The following FBN2 variants were observed in gnomAD, a reference collection of about 807,000 sequenced individuals.
The protein encoded by FBN2 is fibrillin 2.
FBN2 carries 105 observed loss-of-function variants against 355.6 expected under a neutral mutation model. The ratio of observed to expected loss-of-function variants is 0.30; its 90% confidence interval spans 0.25 to 0.35. The LOEUF (loss-of-function observed/expected upper bound fraction) is 0.35. FBN2 is among the 10% of genes least tolerant of loss of function. The pLI is 1.00. For synonymous variants in FBN2, 1,350 were observed against 1,301.2 expected (o/e 1.04, Z -0.81); for missense variants, 3,280 against 3,758.7 (o/e 0.87, Z 3.33).
intron 34 of FBN2, among the ~76,000 whole-genome samples, chr5:128,325,959 C>T (rs1013542285): frequency 2.6e-5 from 4 of 152,168 alleles, no homozygotes; most frequent in Non-Finnish European, 4.4e-5. Flanking sequence ...TCTTCAACTA[C>T]ATTTATGATT....
chr5:128,516,722 T>C (rs937794633), intron 5 of FBN2, among the ~76,000 whole-genome samples: 3 of 152,178 alleles, frequency 2.0e-5, no homozygotes, highest in African/African-American at 7.2e-5. Context: ...TTTAAAAATA[T>C]ATATATAAAC....
chr5:128,507,526 A>G (rs1192309562), intron 5 of FBN2, among the ~76,000 whole-genome samples: 1 of 151,944 alleles, frequency 6.6e-6, no homozygotes, highest in African/African-American at 2.4e-5. Context: ...TGTTATTTTT[A>G]TTGTTATTTT....
chr5:128,275,970 A>G, intron 59 of FBN2, 68 bp downstream of exon 59: 1 of 1,552,292 alleles, frequency 6.4e-7, no homozygotes, highest in East Asian at 2.3e-5. Context: ...ATTCCTGATA[A>G]TCTAATATTT....
At chr5:128,287,231 G>T in intron 54 of FBN2, 77 bp downstream of exon 54, 1 of 1,522,530 alleles carries the variant, frequency 6.6e-7, no homozygotes, top group Non-Finnish European at 9.1e-7. Context: ...GAAATTAGTT[G>T]AGAACTATAA....
At chr5:128,523,797 C>T (rs903279660) in intron 4 of FBN2, among the ~76,000 whole-genome samples, 6 of 151,952 alleles carry the variant, frequency 3.9e-5, no homozygotes, top group South Asian at 2.1e-4. Flanking sequence ...TTATCCACCA[C>T]GCCTGGTCCA....
chr5:128,304,484 C>A (rs1472440636), intron 45 of FBN2, among the ~76,000 whole-genome samples: 1 of 152,188 alleles, frequency 6.6e-6, no homozygotes, highest in Non-Finnish European at 1.5e-5. Context: ...AAAATATGTA[C>A]ATAAATCCCA....
intron 7 of FBN2, among the ~76,000 whole-genome samples, chr5:128,422,736 C>T (rs994895236): frequency 2.6e-5 from 4 of 152,138 alleles, no homozygotes; most frequent in Non-Finnish European, 5.9e-5. Flanking sequence ...ATCTTTTACT[C>T]TTCTCAAGAG....
intron 6 of FBN2, among the ~76,000 whole-genome samples, chr5:128,449,354 ATATAGTATACTG>A (rs1379646499): frequency 5.0e-5 from 5 of 100,288 alleles, no homozygotes; most frequent in Non-Finnish European, 9.6e-5. Flanking sequence ...ATAGTATACT[ATATAGTATACTG>A]TATAATTTAT....
At chr5:128,450,573 T>A (rs1754210621) in intron 6 of FBN2, among the ~76,000 whole-genome samples, 1 of 152,114 alleles carries the variant, frequency 6.6e-6, no homozygotes, top group Non-Finnish European at 1.5e-5. Context: ...ATTAAAATGC[T>A]TATAGTACAA....
intron 34 of FBN2, chr5:128,328,130 C>A (rs1750604060): frequency 6.0e-6 from 1 of 165,372 alleles, no homozygotes; most frequent in Admixed American, 5.7e-5. Context: ...AATTCTTTTT[C>A]TTGGAAAGAT....
In FBN2 at chr5:128,350,412, A is replaced by G. The variant is rs767810146; in HGVS notation, c.2813-407T>C. 2.8e-4 allele frequency among the ~76,000 whole-genome samples: 42 copies of G among 152,262 alleles called. 1 individual carries two copies. Among genetic ancestry groups the G allele is most frequent in the Non-Finnish European group, 5.7e-4 (39 of 68,000 alleles). On this transcript the variant is annotated intron_variant, in intron 21 of 64. Transcript: ENST00000262464. ...CTAAAAATACAAAAATTAGCTGGGCATGGTGGCGGGCACCTCTAGTCCCAG... is the reference window on the plus strand; with the variant it reads ...CTAAAAATACAAAAATTAGCTGGGCGTGGTGGCGGGCACCTCTAGTCCCAG...
At chr5:128,420,845 A>T (rs1753327083) in intron 7 of FBN2, among the ~76,000 whole-genome samples, 1 of 152,214 alleles carries the variant, frequency 6.6e-6, no homozygotes, top group African/African-American at 2.4e-5. Flanking sequence ...CATACCAAAT[A>T]CCTAAATGTG....
Position 128,350,926 on chromosome 5 carries a change from A to G in FBN2, c.2754T>C (p.Ser918=). 1.2e-6 allele frequency: 2 copies of G among 1,614,206 alleles called. No individual in the cohort carries two copies. The highest frequency in any genetic ancestry group is 1.7e-6 in the Non-Finnish European group (2 of 1,180,028). ...EVNINGATLK[S]ECCATLGAAW... The stretch of plus-strand genomic sequence containing the variant: ...CGGCTCCGAGGGTGGCACAGCATTC[A>G]GATTTCAGAGTGGCTCCATTAATAT... The change falls in exon 21 of 65, where the codon TCT becomes TCC. Residue 918 remains serine, a synonymous_variant. Coordinates refer to ENST00000262464, the MANE Select transcript of FBN2 (RefSeq NM_001999.4).
intron 7 of FBN2, among the ~76,000 whole-genome samples, chr5:128,437,468 T>G (rs929934195): frequency 1.3e-5 from 2 of 152,124 alleles, no homozygotes; most frequent in African/African-American, 4.8e-5. Context: ...TTTAATAAAA[T>G]TATCTAAAAA....
intron 7 of FBN2, among the ~76,000 whole-genome samples, chr5:128,445,311 A>G (rs1448046243): frequency 6.6e-6 from 1 of 152,190 alleles, no homozygotes; most frequent in Non-Finnish European, 1.5e-5. Flanking sequence ...TAACTATAAC[A>G]ATTAATTTGG....
intron 5 of FBN2, among the ~76,000 whole-genome samples, chr5:128,509,162 A>T (rs1474347267): frequency 6.6e-6 from 1 of 152,066 alleles, no homozygotes; most frequent in Non-Finnish European, 1.5e-5. Context: ...AATTTTGACC[A>T]TTATTTCTTC....
intron 48 of FBN2, among the ~76,000 whole-genome samples, chr5:128,295,067 T>C (rs1490701906): frequency 6.6e-6 from 1 of 151,200 alleles, no homozygotes; most frequent in Non-Finnish European, 1.5e-5. Context: ...TAGCCAGTTT[T>C]CCCAGCACCA....
At chr5:128,304,866 C>T (rs1749822880) in intron 45 of FBN2, 91 bp downstream of exon 45, 4 of 1,494,764 alleles carry the variant, frequency 2.7e-6, no homozygotes, top group Non-Finnish European at 3.7e-6. Flanking sequence ...CTGACAGAGA[C>T]ATAGTAGTTA....
chr5:128,336,105 C>A lies in FBN2; in HGVS notation c.3607G>T (p.Glu1203Ter). Residue 1203 changes from glutamate to a stop codon, truncating the protein, a stop_gained, in exon 28 of 65, where the codon GAA becomes TAA. Coordinates refer to ENST00000262464, the MANE Select transcript of FBN2 (RefSeq NM_001999.4). LOFTEE classifies it high-confidence loss of function. ...PSREDCVDIN[E>*]CSLSDNLCRN... ...CAGAGATTGTCACTCAGGGAGCATT[C>A]ATTAATATCTATAAAAGATACACAG... 1 of 1,613,362 alleles carries A rather than the reference C, an allele frequency of 6.2e-7. No individual in the cohort carries two copies. The highest frequency in any genetic ancestry group is 8.5e-7 in the Non-Finnish European group (1 of 1,179,588).
Sources: allele counts gnomAD v4.1 joint callset (sites outside exome capture counted in the v4.1 genomes callset), GRCh38; gene constraint gnomAD v4.1.1; transcripts MANE v1.5; gene names NCBI Gene and HGNC (gene_info 2026-07-23, HGNC 2026-07-21).